The following DPYS variants were observed in gnomAD, a reference collection of about 807,000 sequenced individuals.
DPYS encodes dihydropyrimidinase.
In DPYS, 39 loss-of-function variants were observed where a neutral mutation model predicts 50.3. That is an observed-to-expected ratio of 0.78 (90% CI 0.60 to 1.01). DPYS has a LOEUF of 1.01. DPYS is among the 50% of genes least tolerant of loss of function. DPYS has a pLI of 0.00. For synonymous variants in DPYS, 245 were observed against 250.7 expected (o/e 0.98, Z 0.22); for missense variants, 659 against 680.9 (o/e 0.97, Z 0.36).
chr8:104,460,545 T>C (rs1814089920), intron 1 of DPYS, among the ~76,000 whole-genome samples: 1 of 152,130 alleles, frequency 6.6e-6, no homozygotes. Flanking sequence ...TACTTCTTTA[T>C]AGCAGTGTGA....
intron 7 of DPYS, among the ~76,000 whole-genome samples, chr8:104,411,423 T>G (rs949988112): frequency 2.6e-5 from 4 of 152,150 alleles, no homozygotes; most frequent in African/African-American, 9.7e-5. Context: ...AAATGCCTGG[T>G]AGGAGGACAG....
chr8:104,466,891 G>T lies in DPYS; in HGVS notation c.30C>A (p.Arg10=), dbSNP rs1476921665. Residue 10 remains arginine (R), a synonymous_variant, in exon 1 of 10, where the codon CGC becomes CGA. Transcript: ENST00000351513. MAAPSRLLI[R]GGRVVNDDFS... is the part of the protein sequence containing the mutation. ...AGTCATCGTTGACCACGCGACCCCC[G>T]CGGATCAGGAGCCGCGAGGGCGCCG... 1 of 1,513,400 alleles carries T rather than the reference G, an allele frequency of 6.6e-7. No homozygotes were observed. The highest frequency in any genetic ancestry group is 1.4e-5 in the African/African-American group (1 of 69,930). The allele number at this position is 1,513,400 out of a possible 1,614,324, so 93.7% of individuals were successfully genotyped here.
At chr8:104,451,040 ATGATT>A (rs1370096119) in intron 2 of DPYS, among the ~76,000 whole-genome samples, 1 of 152,236 alleles carries the variant, frequency 6.6e-6, no homozygotes, top group Non-Finnish European at 1.5e-5. Context: ...TTGTCTTTAT[ATGATT>A]TTTTTAATTT....
At chr8:104,452,355 T>C (rs1034960664) in intron 1 of DPYS, among the ~76,000 whole-genome samples, 2 of 152,214 alleles carry the variant, frequency 1.3e-5, no homozygotes, top group African/African-American at 4.8e-5. Context: ...GGAGGGATGT[T>C]GCACAGTGGC....
In DPYS at chr8:104,439,039, C is replaced by G. The variant is rs1391970268; in HGVS notation, c.793+5209G>C. Among the ~76,000 whole-genome samples, 4 of 151,210 alleles carry G rather than the reference C, an allele frequency of 2.6e-5. No homozygotes were observed. In the South Asian group the frequency reaches 6.3e-4, roughly 24 times the overall value. On this transcript the variant is annotated intron_variant, in intron 4 of 9. Transcript: ENST00000351513. Reference sequence around the variant, plus strand: ...ACCTGTGTTCTTGCCACTGCAAGATCTCCTGTGAGATCCTGCCTCTTAAAT... The same window carrying G: ...ACCTGTGTTCTTGCCACTGCAAGATGTCCTGTGAGATCCTGCCTCTTAAAT...
intron 7 of DPYS, among the ~76,000 whole-genome samples, chr8:104,401,872 A>G (rs1235134996): frequency 6.6e-6 from 1 of 152,156 alleles, no homozygotes; most frequent in Non-Finnish European, 1.5e-5. Flanking sequence ...CACTGCACCC[A>G]TCAATCTTCC....
chr8:104,384,476 A>G (rs1811150736), intron 8 of DPYS, among the ~76,000 whole-genome samples: 1 of 152,212 alleles, frequency 6.6e-6, no homozygotes. Context: ...CACTGCTGTT[A>G]TTCAGAAGTT....
At position 104,409,421 on chromosome 8, in the gene DPYS, A is replaced by G. The variant is rs187552896; in HGVS notation, c.1235+14826T>C. On this transcript the variant is annotated intron_variant, in intron 7 of 9. Coordinates refer to ENST00000351513, the MANE Select transcript of DPYS (RefSeq NM_001385.3). ...AATTGCTTGAACTAGGGAGGCAGAG[A>G]TTGCAGTGAGCCAAGATCGTGCCAC... 2.0e-3 allele frequency among the ~76,000 whole-genome samples: 310 copies of G among 152,072 alleles called. 1 individual carries two copies. Among genetic ancestry groups the G allele is most frequent in the African/African-American group, 5.6e-3 (231 of 41,528 alleles).
intron 8 of DPYS, among the ~76,000 whole-genome samples, chr8:104,385,426 C>A (rs1176302583): frequency 6.6e-6 from 1 of 152,208 alleles, no homozygotes; most frequent in Non-Finnish European, 1.5e-5. Context: ...TCAAGAGACT[C>A]AAGTCCTGAG....
chr8:104,463,289 C>T (rs1002898590), intron 1 of DPYS, among the ~76,000 whole-genome samples: 5 of 152,144 alleles, frequency 3.3e-5, no homozygotes, highest in African/African-American at 1.2e-4. Flanking sequence ...AACTGAATAC[C>T]TGCAGTGTGT....
At chr8:104,416,743 G>A (rs1442183538) in intron 7 of DPYS, among the ~76,000 whole-genome samples, 1 of 152,104 alleles carries the variant, frequency 6.6e-6, no homozygotes, top group Non-Finnish European at 1.5e-5. Context: ...TACACAATGT[G>A]CAACTTCAAG....
Position 104,429,690 on chromosome 8 carries a change from A to G in DPYS, c.805T>C (p.Tyr269His), listed in dbSNP as rs1812886231. 5.6e-6 allele frequency: 9 copies of G among 1,614,164 alleles called. No individual in the cohort carries two copies. The highest frequency in any genetic ancestry group is 6.8e-6 in the Non-Finnish European group (8 of 1,180,018). The change falls in exon 5 of 10, where the codon TAT becomes CAT. Residue 269 changes from tyrosine to histidine, a missense_variant. Transcript: ENST00000351513. ...AGACTGGCTGCTATGGGTTCACCAT[A>G]GACCACCTTCCCTGGAAAGATTAAA... ...ADARRDGKVV[Y>H]GEPIAASLGT...
At chr8:104,403,594 T>C (rs916767344) in intron 7 of DPYS, among the ~76,000 whole-genome samples, 1 of 152,158 alleles carries the variant, frequency 6.6e-6, no homozygotes, top group Non-Finnish European at 1.5e-5. Context: ...AACAGAAATG[T>C]CTGGGGGACT....
intron 7 of DPYS, among the ~76,000 whole-genome samples, chr8:104,408,065 C>T (rs1812052930): frequency 6.6e-6 from 1 of 152,354 alleles, no homozygotes; most frequent in East Asian, 1.9e-4. Context: ...TACTCCGTGC[C>T]AGGCACGGTT....
At chr8:104,455,273 T>A (rs1813885804) in intron 1 of DPYS, among the ~76,000 whole-genome samples, 1 of 152,102 alleles carries the variant, frequency 6.6e-6, no homozygotes. Flanking sequence ...GTGAACTGCA[T>A]GAAGAGACGC....
rs139643888 is a variant in DPYS, at chr8:104,392,330, T to C, written c.1443+454A>G. ...TCAGCCTCCCCTAGACTGTAGGGTGTTCCAGGATGCTCCTACCCATTTTAT... is the reference window on the plus strand; with the variant it reads ...TCAGCCTCCCCTAGACTGTAGGGTGCTCCAGGATGCTCCTACCCATTTTAT... On this transcript the variant is annotated intron_variant, in intron 8 of 9. Coordinates refer to ENST00000351513, the MANE Select transcript of DPYS (RefSeq NM_001385.3). Among the ~76,000 whole-genome samples the C allele has an allele frequency of 9.1e-3, 1,383 of 152,284 alleles. 13 individuals carry two copies. The highest frequency in any genetic ancestry group is 0.015 in the Non-Finnish European group (1,025 of 68,006).
At chr8:104,428,568 T>G (rs1203461355) in intron 5 of DPYS, among the ~76,000 whole-genome samples, 2 of 152,204 alleles carry the variant, frequency 1.3e-5, no homozygotes, top group Non-Finnish European at 2.9e-5. Flanking sequence ...GGGCAGGCCC[T>G]CCGGGGCAGT....
In DPYS at chr8:104,409,303, A is replaced by G. The variant is rs375483947; in HGVS notation, c.1235+14944T>C. Among the ~76,000 whole-genome samples, 302 of 151,428 alleles carry G rather than the reference A, an allele frequency of 2.0e-3. 1 individual carries two copies. The highest frequency in any genetic ancestry group is 5.4e-3 in the African/African-American group (225 of 41,346). On this transcript the variant is annotated intron_variant, in intron 7 of 9. Coordinates refer to ENST00000351513, the MANE Select transcript of DPYS (RefSeq NM_001385.3). ...AGTTCAAGACCAGCCTGGCCAACAT[A>G]GTGAAACCCCGTCTCTACTAAGAGT...
At chr8:104,418,737 C>G (rs1200162563) in intron 7 of DPYS, 1 of 152,344 alleles carries the variant, frequency 6.6e-6, no homozygotes, top group South Asian at 2.1e-4. Flanking sequence ...GATTTCATGT[C>G]GATGACTGCT....
Sources: gnomAD v4.1 joint callset for allele counts (sites outside exome capture counted in the v4.1 genomes callset) on GRCh38, gnomAD v4.1.1 for gene constraint, MANE v1.5 for transcripts, NCBI Gene and HGNC (gene_info 2026-07-23, HGNC 2026-07-21) for gene names.